The following EXOC6B variants were observed in gnomAD, a reference collection of about 807,000 sequenced individuals.
EXOC6B encodes SEC15 homolog B.
EXOC6B carries 54 observed loss-of-function variants against 113.5 expected under a neutral mutation model. The ratio of observed to expected loss-of-function variants is 0.48; its 90% confidence interval spans 0.38 to 0.60. EXOC6B has a LOEUF of 0.60. Ranked by LOEUF, EXOC6B falls within the 20% of genes least tolerant of loss-of-function variation. The pLI, the probability that EXOC6B is intolerant of heterozygous loss-of-function variation, is 0.00. For synonymous variants in EXOC6B, 357 were observed against 339.0 expected (o/e 1.05, Z -0.58); for missense variants, 797 against 977.5 (o/e 0.82, Z 2.46).
intron 20 of EXOC6B, among the ~76,000 whole-genome samples, chr2:72,204,534 G>A (rs1679704082): frequency 6.9e-6 from 1 of 145,864 alleles, no homozygotes; most frequent in African/African-American, 2.7e-5. Context: ...ACACATTAAA[G>A]GGGAGAAGAC....
At chr2:72,374,150 G>C (rs1691210216) in intron 19 of EXOC6B, among the ~76,000 whole-genome samples, 7 of 152,094 alleles carry the variant, frequency 4.6e-5, no homozygotes. Flanking sequence ...GATATCATAA[G>C]ATCCAGATCC....
chr2:72,625,251 ATGTATATGTG>A, intron 6 of EXOC6B, among the ~76,000 whole-genome samples: 2 of 151,316 alleles, frequency 1.3e-5, no homozygotes, highest in East Asian at 3.9e-4. Context: ...ATGAATATAT[ATGTATATGTG>A]TATATATATA....
rs75772295 is a variant in EXOC6B, at chr2:72,549,962, A to G, written c.915+9491T>C. On this transcript the variant is annotated intron_variant, in intron 8 of 21. Transcript: ENST00000272427. ...CAACAAAGTTGGAGCCAAAAGGTCC[A>G]GGAAAATACAGTTTCAGGATAGTGC... Among the ~76,000 whole-genome samples, 512 of 152,312 alleles carry G rather than the reference A, an allele frequency of 3.4e-3. 2 individuals are homozygous for G. The highest frequency in any genetic ancestry group is 0.012 in the African/African-American group (488 of 41,584).
intron 6 of EXOC6B, among the ~76,000 whole-genome samples, chr2:72,603,073 G>GT (rs61465336): frequency 0.034 from 4,826 of 142,768 alleles, 107 homozygotes; most frequent in Non-Finnish European, 0.05. Flanking sequence ...CGGACAGATG[G>GT]TTTTTTTTTT....
At chr2:72,719,504 C>CAG (rs1679858899) in intron 5 of EXOC6B, among the ~76,000 whole-genome samples, 1 of 152,188 alleles carries the variant, frequency 6.6e-6, no homozygotes, top group Non-Finnish European at 1.5e-5. Flanking sequence ...ATCCACTCAT[C>CAG]CCTGGCTGAC....
intron 20 of EXOC6B, among the ~76,000 whole-genome samples, chr2:72,186,867 G>A (rs1453451992): frequency 6.6e-6 from 1 of 152,148 alleles, no homozygotes; most frequent in East Asian, 1.9e-4. Flanking sequence ...GGATCTTTGG[G>A]GTGTCGCTTT....
chr2:72,690,289 A>T (rs1677391046), intron 6 of EXOC6B, among the ~76,000 whole-genome samples: 1 of 152,190 alleles, frequency 6.6e-6, no homozygotes, highest in Admixed American at 6.5e-5. Context: ...TTCTTTTCCC[A>T]TATCCCCATG....
intron 7 of EXOC6B, among the ~76,000 whole-genome samples, chr2:72,567,435 C>T (rs1704249209): frequency 1.3e-5 from 2 of 151,966 alleles, no homozygotes; most frequent in Admixed American, 6.5e-5. Flanking sequence ...TTTGCAAATA[C>T]AAATACAGAA....
intron 1 of EXOC6B, among the ~76,000 whole-genome samples, chr2:72,822,800 A>G (rs1489564501): frequency 6.6e-6 from 1 of 152,204 alleles, no homozygotes; most frequent in African/African-American, 2.4e-5. Context: ...TTACCTCAAA[A>G]GATGAAGAAA....
rs1028702923 is a variant in EXOC6B at position 72,181,204 on chromosome 2, G to A, written c.2310-1743C>T. Reference sequence around the variant, plus strand: ...AGTCTGGGTGGCAGAGCGAGACTCCGTCTCAAAAAAAAAAAAAAGAATTAT... The same window carrying A: ...AGTCTGGGTGGCAGAGCGAGACTCCATCTCAAAAAAAAAAAAAAGAATTAT... On this transcript the variant is annotated intron_variant, in intron 21 of 21. Transcript: ENST00000272427. Among the ~76,000 whole-genome samples, 6 of 61,444 alleles carry A rather than the reference G, an allele frequency of 9.8e-5. 1 individual carries two copies. Among genetic ancestry groups the A allele is most frequent in the African/African-American group, 5.9e-4 (3 of 5,094 alleles). The allele number at this position is 61,444 out of a possible 152,430, so 40.3% of individuals were successfully genotyped here.
At chr2:72,244,880 A>G (rs1199760867) in intron 20 of EXOC6B, among the ~76,000 whole-genome samples, 1 of 152,176 alleles carries the variant, frequency 6.6e-6, no homozygotes, top group African/African-American at 2.4e-5. Context: ...AAAACATAAT[A>G]TCATTTACAT....
chr2:72,470,549 G>C (rs750660765), intron 17 of EXOC6B, among the ~76,000 whole-genome samples: 10 of 152,032 alleles, frequency 6.6e-5, no homozygotes, highest in Non-Finnish European at 1.3e-4. Context: ...CATGTGCCAT[G>C]TTGGTGTGCT....
chr2:72,711,625 A>C (rs1679277167), intron 6 of EXOC6B, among the ~76,000 whole-genome samples: 1 of 152,164 alleles, frequency 6.6e-6, no homozygotes, highest in Non-Finnish European at 1.5e-5. Flanking sequence ...GAGATTAACC[A>C]CAATAAATAA....
At chr2:72,216,119 C>T (rs1680516774) in intron 20 of EXOC6B, among the ~76,000 whole-genome samples, 1 of 151,152 alleles carries the variant, frequency 6.6e-6, no homozygotes, top group African/African-American at 2.4e-5. Flanking sequence ...ACACTTCTAC[C>T]CCTCAAAACC....
intron 20 of EXOC6B, among the ~76,000 whole-genome samples, chr2:72,315,706 C>T (rs1029621434): frequency 1.9e-4 from 29 of 151,898 alleles, no homozygotes; most frequent in African/African-American, 6.5e-4. Flanking sequence ...AGGATGACTC[C>T]ATAGTTTCTA....
intron 11 of EXOC6B, among the ~76,000 whole-genome samples, chr2:72,505,546 T>C (rs1224305758): frequency 1.3e-5 from 2 of 152,184 alleles, no homozygotes; most frequent in Non-Finnish European, 2.9e-5. Flanking sequence ...TGAAATATTA[T>C]AATTAGGTTG....
intron 5 of EXOC6B, among the ~76,000 whole-genome samples, chr2:72,721,099 CA>C (rs1209558308): frequency 2.6e-5 from 4 of 151,928 alleles, no homozygotes; most frequent in Admixed American, 2.6e-4. Flanking sequence ...GAGTCTGAGG[CA>C]GGCAGATCAC....
chr2:72,743,127 C>G (rs915403540), intron 1 of EXOC6B, among the ~76,000 whole-genome samples: 4 of 152,122 alleles, frequency 2.6e-5, no homozygotes, highest in Admixed American at 2.6e-4. Context: ...TAAGTCCTGA[C>G]AACTCAACCT....
chr2:72,272,934 G>A (rs2104635387), intron 20 of EXOC6B, among the ~76,000 whole-genome samples: 1 of 152,224 alleles, frequency 6.6e-6, no homozygotes, highest in Non-Finnish European at 1.5e-5. Context: ...AAGGAAAAGT[G>A]TTCATTTTCT....
Sources: allele counts gnomAD v4.1 joint callset (sites outside exome capture counted in the v4.1 genomes callset), GRCh38; gene constraint gnomAD v4.1.1; transcripts MANE v1.5; gene names NCBI Gene and HGNC (gene_info 2026-07-23, HGNC 2026-07-21).